The following PCDHGC3 variants were observed in gnomAD, a reference collection of about 807,000 sequenced individuals.
PCDHGC3 encodes protocadherin gamma subfamily C, 3.
A neutral mutation model predicts 59.2 loss-of-function variants in PCDHGC3; 26 were observed. The observed-to-expected ratio is 0.44, with a 90% CI of 0.32 to 0.61. The LOEUF (loss-of-function observed/expected upper bound fraction) is 0.61, where lower values mean the gene tolerates loss of function less well. Among genes scored for constraint, PCDHGC3 ranks in the 20% least tolerant of loss-of-function variants. PCDHGC3 has a pLI of 0.05. For synonymous variants in PCDHGC3, 487 were observed against 519.7 expected, an observed-to-expected ratio of 0.94 and a Z score of 0.86; for missense variants, 1,080 against 1,221.8, an observed-to-expected ratio of 0.88 and a Z score of 1.73.
chr5:141,491,982 T>G lies in PCDHGC3; in HGVS notation c.2431-2825T>G. On this transcript the variant is annotated intron_variant, in intron 1 of 3. Coordinates refer to ENST00000308177, the MANE Select transcript of PCDHGC3 (RefSeq NM_002588.4). This position sits in a 1 kb window ranked among gnomAD's most constrained non-coding sequence, Gnocchi z 6.9. Reference sequence around the variant, plus strand: ...AAAAGGCCGGGGCCTCCTTCGAGCTTCCGGTGAATTTCGGGCGATTTCCGC... The same window carrying G: ...AAAAGGCCGGGGCCTCCTTCGAGCTGCCGGTGAATTTCGGGCGATTTCCGC... The G allele has an allele frequency of 2.6e-6, 2 of 759,438 alleles. No homozygotes were observed. Among genetic ancestry groups the G allele is most frequent in the East Asian group, 3.2e-5 (1 of 31,728 alleles). The allele number at this position is 759,438 out of a possible 1,614,324, so 47.0% of individuals were successfully genotyped here. A position where few individuals can be genotyped will look rare whatever the true frequency, so the allele number is the denominator to read the frequency against.
At chr5:141,499,289 C>T in intron 2 of PCDHGC3, among the ~76,000 whole-genome samples, 1 of 152,212 alleles carries the variant, frequency 6.6e-6, no homozygotes, top group African/African-American at 2.4e-5. Context: ...GATGGCTCCA[C>T]ACTACCATCC....
chr5:141,488,681 C>G, intron 1 of PCDHGC3, among the ~76,000 whole-genome samples: 1 of 152,204 alleles, frequency 6.6e-6, no homozygotes, highest in East Asian at 1.9e-4. Flanking sequence ...GGCTTTGCCT[C>G]TCCCAGAAGG....
At chr5:141,499,021 GAAGGAAGA>G (rs1193940810) in intron 2 of PCDHGC3, among the ~76,000 whole-genome samples, 2 of 140,162 alleles carry the variant, frequency 1.4e-5, no homozygotes, top group East Asian at 2.1e-4. Flanking sequence ...AGGAAGGAAG[GAAGGAAGA>G]AAAGAAAGAA....
In PCDHGC3 at chr5:141,505,435, G is replaced by A. The variant is rs1274195652; in HGVS notation, c.2532G>A (p.Gln844=). The change falls in exon 3 of 4, where the codon CAG becomes CAA. Residue 844 remains glutamine, a synonymous_variant. Transcript: ENST00000308177. ...GDDTGTWPNN[Q]FDTEMLQAMI... is the part of the protein sequence containing the mutation. ...ACACCGGCACCTGGCCCAACAACCA[G>A]TTTGACACAGAGATGCTGCAAGCCA... 1 of 1,614,096 alleles carries A rather than the reference G, an allele frequency of 6.2e-7. No homozygotes were observed. Among genetic ancestry groups the A allele is most frequent in the African/African-American group, 1.3e-5 (1 of 74,936 alleles).
Position 141,511,029 on chromosome 5 carries a change from G to A in PCDHGC3, c.2661G>A (p.Leu887=), listed in dbSNP as rs1372346241. The part of the protein sequence containing the change: ...LSARYGPQFT[L]QHVPDYRQNV... ...CCCGCTACGGACCCCAGTTCACCCT[G>A]CAGCACGTGCCCGACTACCGCCAGA... The change falls in exon 4 of 4, where the codon CTG becomes CTA. Residue 887 remains leucine, a synonymous_variant. Transcript: ENST00000308177. 6.2e-7 allele frequency: 1 copy of A among 1,614,078 alleles called. No individual in the cohort carries two copies. Among genetic ancestry groups the A allele is most frequent in the Non-Finnish European group, 8.5e-7 (1 of 1,180,032 alleles).
Position 141,485,486 on chromosome 5 carries a change from C to A in PCDHGC3, c.2430+6940C>A. On this transcript the variant is annotated intron_variant, in intron 1 of 3. Transcript: ENST00000308177. This position sits in a 1 kb window ranked among gnomAD's most constrained non-coding sequence, Gnocchi z 5.7. Reference sequence around the variant, plus strand: ...TGGGCTCAGTGCCAGCTGCATCGTGCCCCTGGAGTTTGTCACCGAAGGTCC... The same window carrying A: ...TGGGCTCAGTGCCAGCTGCATCGTGACCCTGGAGTTTGTCACCGAAGGTCC... 6.2e-7 allele frequency: 1 copy of A among 1,614,104 alleles called. No individual in the cohort carries two copies.
Position 141,491,300 on chromosome 5 carries a change from G to T in PCDHGC3, c.2431-3507G>T. On this transcript the variant is annotated intron_variant, in intron 1 of 3. Coordinates refer to ENST00000308177, the MANE Select transcript of PCDHGC3 (RefSeq NM_002588.4). The surrounding 1 kb of genome is among the most constrained non-coding windows in gnomAD (Gnocchi z 6.9). Reference sequence around the variant, plus strand: ...GACTTCCTCATACACCCTCCTGAGCGTTCAGACCTTACCCTTTACCTCATT... The same window carrying T: ...GACTTCCTCATACACCCTCCTGAGCTTTCAGACCTTACCCTTTACCTCATT... The T allele has an allele frequency of 6.2e-7, 1 of 1,614,136 alleles. No homozygotes were observed. The highest frequency in any genetic ancestry group is 8.5e-7 in the Non-Finnish European group (1 of 1,179,962).
Position 141,490,520 on chromosome 5 carries a change from G to A in PCDHGC3, c.2431-4287G>A. 1 of 1,614,072 alleles carries A rather than the reference G, an allele frequency of 6.2e-7. No individual in the cohort carries two copies. Among genetic ancestry groups the A allele is most frequent in the Non-Finnish European group, 8.5e-7 (1 of 1,180,014 alleles). ...CACTATATCATCGAGCTGCTGGCCAGCGATGCTGGTTCACCTTCCCTACAC... is the reference window on the plus strand; with the variant it reads ...CACTATATCATCGAGCTGCTGGCCAACGATGCTGGTTCACCTTCCCTACAC... On this transcript the variant is annotated intron_variant, in intron 1 of 3. Coordinates refer to ENST00000308177, the MANE Select transcript of PCDHGC3 (RefSeq NM_002588.4). The surrounding 1 kb of genome is among the most constrained non-coding windows in gnomAD (Gnocchi z 5.4).
intron 2 of PCDHGC3, among the ~76,000 whole-genome samples, chr5:141,497,076 C>T (rs1052240279): frequency 5.9e-5 from 9 of 151,826 alleles, no homozygotes; most frequent in Non-Finnish European, 8.8e-5. Context: ...GTAATCCCAG[C>T]GACTTAGGAG....
In PCDHGC3 at chr5:141,487,414, T is replaced by C; in HGVS notation, c.2431-7393T>C. On this transcript the variant is annotated intron_variant, in intron 1 of 3. Coordinates refer to ENST00000308177, the MANE Select transcript of PCDHGC3 (RefSeq NM_002588.4). This position sits in a 1 kb window ranked among gnomAD's most constrained non-coding sequence, Gnocchi z 5.0. The stretch of plus-strand genomic sequence containing the variant: ...GGAGGGAGGGGCTTCCCCCTTCCAA[T>C]GGGATCCTCCGAATCCAGCTAGGGT... 3.7e-6 allele frequency: 6 copies of C among 1,614,174 alleles called. No individual in the cohort carries two copies. The highest frequency in any genetic ancestry group is 5.1e-6 in the Non-Finnish European group (6 of 1,180,006).
Position 141,487,622 on chromosome 5 carries a change from C to A in PCDHGC3, c.2431-7185C>A. 1 of 1,614,174 alleles carries A rather than the reference C, an allele frequency of 6.2e-7. No homozygotes were observed. Among genetic ancestry groups the A allele is most frequent in the Non-Finnish European group, 8.5e-7 (1 of 1,180,030 alleles). ...TCTTCTCTATGGGCTAGAGGTGAGACCTTTGCAGGCTCAACAAATGCTTGA... is the reference window on the plus strand; with the variant it reads ...TCTTCTCTATGGGCTAGAGGTGAGAACTTTGCAGGCTCAACAAATGCTTGA... On this transcript the variant is annotated intron_variant, in intron 1 of 3. Transcript: ENST00000308177. The surrounding 1 kb of genome is among the most constrained non-coding windows in gnomAD (Gnocchi z 5.0).
rs1290674122 is a variant in PCDHGC3 at position 141,489,521 on chromosome 5, G to A, written c.2431-5286G>A. 3 of 1,613,988 alleles carry A rather than the reference G, an allele frequency of 1.9e-6. No individual in the cohort carries two copies. The highest frequency in any genetic ancestry group is 2.2e-5 in the East Asian group (1 of 44,886). On this transcript the variant is annotated intron_variant, in intron 1 of 3. Coordinates refer to ENST00000308177, the MANE Select transcript of PCDHGC3 (RefSeq NM_002588.4). This position sits in a 1 kb window ranked among gnomAD's most constrained non-coding sequence, Gnocchi z 4.5. ...GTGAATCAAAAGATTGACCGAGAAAGCCTATGTGGAGCCAGCACCAGCTGC... is the reference window on the plus strand; with the variant it reads ...GTGAATCAAAAGATTGACCGAGAAAACCTATGTGGAGCCAGCACCAGCTGC...
chr5:141,500,989 C>T (rs779352768), intron 2 of PCDHGC3, among the ~76,000 whole-genome samples: 1 of 152,040 alleles, frequency 6.6e-6, no homozygotes, highest in Non-Finnish European at 1.5e-5. Context: ...CTGCCTCAGC[C>T]TCCTGAGTAG....
chr5:141,494,906 A>T, intron 2 of PCDHGC3, 41 bp downstream of exon 2: 1 of 1,613,800 alleles, frequency 6.2e-7, no homozygotes, highest in Non-Finnish European at 8.5e-7. Flanking sequence ...TCTCTGCGGC[A>T]TTTTCTCAGG....
chr5:141,491,353 T>A lies in PCDHGC3; in HGVS notation c.2431-3454T>A. On this transcript the variant is annotated intron_variant, in intron 1 of 3. Coordinates refer to ENST00000308177, the MANE Select transcript of PCDHGC3 (RefSeq NM_002588.4). This position sits in a 1 kb window ranked among gnomAD's most constrained non-coding sequence, Gnocchi z 6.9. ...GGCTCTAGCGACCGTCAGTCTCTTATCCCTAGTCACCTTCACCTTTCTGTC... is the reference window on the plus strand; with the variant it reads ...GGCTCTAGCGACCGTCAGTCTCTTAACCCTAGTCACCTTCACCTTTCTGTC... The A allele has an allele frequency of 6.2e-7, 1 of 1,614,160 alleles. No homozygotes were observed. Among genetic ancestry groups the A allele is most frequent in the South Asian group, 1.1e-5 (1 of 91,080 alleles).
In PCDHGC3 at chr5:141,476,258, G is replaced by A. The variant is rs1247889010; in HGVS notation, c.142G>A (p.Gly48Ser). 1 of 1,614,018 alleles carries A rather than the reference G, an allele frequency of 6.2e-7. No individual in the cohort carries two copies. Among genetic ancestry groups the A allele is most frequent in the South Asian group, 1.1e-5 (1 of 91,066 alleles). ...PEEREKGFAV[G>S]NVVANLGLDL... Reference sequence around the variant, plus strand: ...GGAAAGAGAGAAGGGTTTCGCTGTGGGCAACGTGGTCGCGAACCTTGGTTT... The same window carrying A: ...GGAAAGAGAGAAGGGTTTCGCTGTGAGCAACGTGGTCGCGAACCTTGGTTT... Residue 48 changes from glycine to serine, a missense_variant, in exon 1 of 4, where the codon GGC (glycine) becomes AGC (serine). Gly to Ser is a moderately conservative substitution (Grantham distance 56, BLOSUM62 0). Coordinates refer to ENST00000308177, the MANE Select transcript of PCDHGC3 (RefSeq NM_002588.4). This position sits in a 1 kb window ranked among gnomAD's most constrained non-coding sequence, Gnocchi z 7.6.
rs1227487225 is a variant in PCDHGC3, at chr5:141,491,275, G to C, written c.2431-3532G>C. The C allele has an allele frequency of 2.5e-6, 4 of 1,614,082 alleles. 1 individual carries two copies. In the South Asian group the frequency reaches 4.4e-5, roughly 18 times the overall value. On this transcript the variant is annotated intron_variant, in intron 1 of 3. Transcript: ENST00000308177. This position sits in a 1 kb window ranked among gnomAD's most constrained non-coding sequence, Gnocchi z 6.9. Reference sequence around the variant, plus strand: ...CCCTGAGGAAATGCCCAAATCCAGTGACTTCCTCATACACCCTCCTGAGCG... The same window carrying C: ...CCCTGAGGAAATGCCCAAATCCAGTCACTTCCTCATACACCCTCCTGAGCG...
chr5:141,478,849 C>A, intron 1 of PCDHGC3: 1 of 1,375,282 alleles, frequency 7.3e-7, no homozygotes, highest in Non-Finnish European at 9.6e-7. Flanking sequence ...TAAGCTAAAA[C>A]ACAAGATCTC....
At chr5:141,492,312 C>G (rs1470136040) in intron 1 of PCDHGC3, among the ~76,000 whole-genome samples, 3 of 152,230 alleles carry the variant, frequency 2.0e-5, no homozygotes, top group Non-Finnish European at 4.4e-5. Context: ...CGCACGCACT[C>G]CTCGCACGTG....
Sources: gnomAD v4.1 joint callset for allele counts (sites outside exome capture counted in the v4.1 genomes callset) on GRCh38, gnomAD v4.1.1 for gene constraint, Gnocchi (gnomAD v3.1) non-coding constraint, MANE v1.5 for transcripts, NCBI Gene and HGNC (gene_info 2026-07-23, HGNC 2026-07-21) for gene names.